The following OTX1 variants were observed in gnomAD, a reference collection of about 807,000 sequenced individuals.
OTX1 encodes the protein homeobox protein OTX1.
A neutral mutation model predicts 26.7 loss-of-function variants in OTX1; 7 were observed. The ratio of observed to expected loss-of-function variants is 0.26; its 90% CI spans 0.15 to 0.49. The LOEUF is 0.49. Ranked by LOEUF, OTX1 falls within the 20% of genes least tolerant of loss-of-function variation. The pLI, the probability that OTX1 is intolerant of heterozygous loss-of-function variation, is 0.98. For missense variants in OTX1, 414 were observed against 483.8 expected, an observed-to-expected ratio of 0.86 and a Z score of 1.35; for synonymous variants, 216 against 212.8, an observed-to-expected ratio of 1.01 and a Z score of -0.13.
Position 63,055,698 on chromosome 2 carries a change from A to C in OTX1, c.447A>C (p.Pro149=). The C allele has an allele frequency of 6.2e-7, 1 of 1,613,100 alleles. No individual in the cohort carries two copies. Among genetic ancestry groups the C allele is most frequent in the Admixed American group, 1.7e-5 (1 of 60,006 alleles). Residue 149 remains proline, a synonymous_variant, in exon 5 of 5, where the codon CCA becomes CCC. Coordinates refer to ENST00000282549, the MANE Select transcript of OTX1 (RefSeq NM_014562.4). The surrounding 1 kb of genome is among the most constrained non-coding windows in gnomAD (Gnocchi z 5.2). ...SSSASSSSAN[P]AAAAAAGLGG... ...CGGCGTCCAGCTCTTCCGCCAACCC[A>C]GCGGCTGCAGCGGCTGCGGGACTAG... is the stretch of plus-strand genomic sequence containing the variant.
rs1013352607 is a variant in OTX1 at position 63,053,308 on chromosome 2, TCCCGGCCGGATCA to T, written c.97+224_97+236del. The T allele has an allele frequency of 4.7e-5, 21 of 442,860 alleles. No homozygotes were observed. The Admixed American group carries it at 7.7e-4, about 16-fold the overall frequency. The allele number at this position is 442,860 out of a possible 1,614,324, so 27.4% of individuals were successfully genotyped here. A position where few individuals can be genotyped will look rare whatever the true frequency, so the allele number is the denominator to read the frequency against. On this transcript the variant is annotated intron_variant, in intron 3 of 4. Transcript: ENST00000282549. ...CTGAGAAAACGCGCAATATGCGCCT[TCCCGGCCGGATCA>T]CCGGCAACCTTTCTCCGGTTGTGGT...
At chr2:63,053,961 T>C (rs1398657627) in intron 3 of OTX1, 86 bp from the exon 4 acceptor site, 15 of 1,468,080 alleles carry the variant, frequency 1.0e-5, no homozygotes, top group South Asian at 1.3e-5. Context: ...GGCCGAGATC[T>C]GGGCCTGCCA....
chr2:63,053,136 A>C (rs766254014), intron 3 of OTX1, 49 bp downstream of exon 3: 1 of 1,273,512 alleles, frequency 7.9e-7, no homozygotes, highest in South Asian at 1.4e-5. Context: ...AATGTTGGGG[A>C]CCCCCAGACT....
Position 63,055,356 on chromosome 2 carries a change from G to A in OTX1, c.250-145G>A. On this transcript the variant is annotated intron_variant, in intron 4 of 4. Coordinates refer to ENST00000282549, the MANE Select transcript of OTX1 (RefSeq NM_014562.4). The surrounding 1 kb of genome is among the most constrained non-coding windows in gnomAD (Gnocchi z 5.2). Reference sequence around the variant, plus strand: ...GGAACCGAGGTAGGGGGCAGGGTCTGGCCAGGCCAGAGACAGGAAGGGGCG... The same window carrying A: ...GGAACCGAGGTAGGGGGCAGGGTCTAGCCAGGCCAGAGACAGGAAGGGGCG... 1 of 843,776 alleles carries A rather than the reference G, an allele frequency of 1.2e-6. No individual in the cohort carries two copies. Among genetic ancestry groups the A allele is most frequent in the East Asian group, 2.7e-5 (1 of 37,428 alleles). The allele number at this position is 843,776 out of a possible 1,614,324, so 52.3% of individuals were successfully genotyped here. A position where few individuals can be genotyped will look rare whatever the true frequency, so the allele number is the denominator to read the frequency against.
upstream of OTX1, among the ~76,000 whole-genome samples, chr2:63,050,419 A>G (rs2062016248): frequency 6.6e-6 from 1 of 152,012 alleles, no homozygotes; most frequent in African/African-American, 2.4e-5. Context: ...TGAGCCCTGT[A>G]GCGCGCGGGA....
chr2:63,056,073 C>A lies in OTX1; in HGVS notation c.822C>A (p.Gly274=). 2.5e-6 allele frequency: 4 copies of A among 1,613,260 alleles called. No individual in the cohort carries two copies. Among genetic ancestry groups the A allele is most frequent in the Non-Finnish European group, 3.4e-6 (4 of 1,179,424 alleles). The part of the protein sequence containing the change: ...LSPMAPSSMA[G]HHHHHPHAHH... ...CCATGGCACCCTCCTCCATGGCGGGCCACCATCATCACCACCCACATGCGC... is the reference window on the plus strand; with the variant it reads ...CCATGGCACCCTCCTCCATGGCGGGACACCATCATCACCACCCACATGCGC... Residue 274 remains glycine (G), a synonymous_variant, in exon 5 of 5, where the codon GGC becomes GGA. Coordinates refer to ENST00000282549, the MANE Select transcript of OTX1 (RefSeq NM_014562.4).
In OTX1 at chr2:63,056,466, G is replaced by A; in HGVS notation, c.*150G>A. 2.7e-6 allele frequency: 2 copies of A among 731,986 alleles called. No individual in the cohort carries two copies. The highest frequency in any genetic ancestry group is 4.4e-6 in the Non-Finnish European group (2 of 456,150). The allele number at this position is 731,986 out of a possible 1,614,324, so 45.3% of individuals were successfully genotyped here. On this transcript the variant is annotated 3_prime_UTR_variant, in exon 5 of 5. Transcript: ENST00000282549. ...AAAGATGTCCATTGCCTGCACTGCC[G>A]CCCCCATTTTTGTGCCACTTGCTTG...
chr2:63,052,723 T>C (rs1187114754), intron 2 of OTX1, among the ~76,000 whole-genome samples, 157 bp from the exon 3 acceptor site: 1 of 152,222 alleles, frequency 6.6e-6, no homozygotes, highest in Non-Finnish European at 1.5e-5. Flanking sequence ...AAAACTTTAC[T>C]TTTCAAAGTA....
At chr2:63,050,393 C>T (rs2062015980), upstream of OTX1, among the ~76,000 whole-genome samples, 1 of 152,178 alleles carries the variant, frequency 6.6e-6, no homozygotes, top group Admixed American at 6.5e-5. Context: ...GGTCCTGGCG[C>T]CCACACCCGA....
chr2:63,054,204 C>A lies in OTX1; in HGVS notation c.249+6C>A. The A allele has an allele frequency of 1.3e-6, 2 of 1,582,778 alleles. No homozygotes were observed. The highest frequency in any genetic ancestry group is 1.7e-6 in the Non-Finnish European group (2 of 1,163,032). ...TGCCGGAGTCTAGAGTCCAGGTGCGCACTCCCCGGGCTCCAGGGTCTGGGT... is the reference window on the plus strand; with the variant it reads ...TGCCGGAGTCTAGAGTCCAGGTGCGAACTCCCCGGGCTCCAGGGTCTGGGT... On this transcript the variant is annotated splice_donor_region_variant and intron_variant, in intron 4 of 4. Transcript: ENST00000282549.
chr2:63,055,354 C>A lies in OTX1; in HGVS notation c.250-147C>A. The A allele has an allele frequency of 1.2e-6, 1 of 823,634 alleles. No homozygotes were observed. The highest frequency in any genetic ancestry group is 1.9e-6 in the Non-Finnish European group (1 of 537,498). 51.0% of individuals were successfully genotyped at this position (823,634 alleles called of 1,614,324 possible). ...TGGGAACCGAGGTAGGGGGCAGGGTCTGGCCAGGCCAGAGACAGGAAGGGG... is the reference window on the plus strand; with the variant it reads ...TGGGAACCGAGGTAGGGGGCAGGGTATGGCCAGGCCAGAGACAGGAAGGGG... On this transcript the variant is annotated intron_variant, in intron 4 of 4. Coordinates refer to ENST00000282549, the MANE Select transcript of OTX1 (RefSeq NM_014562.4). This position sits in a 1 kb window ranked among gnomAD's most constrained non-coding sequence, Gnocchi z 5.2.
Position 63,056,273 on chromosome 2 carries a change from T to C in OTX1, c.1022T>C (p.Leu341Pro). 6.2e-7 allele frequency: 1 copy of C among 1,614,052 alleles called. No homozygotes were observed. The change falls in exon 5 of 5, where the codon CTG becomes CCG. Residue 341 changes from leucine to proline, a missense_variant. Around this residue, in one of 3 missense-constraint regions of OTX1, gnomAD observed 320 missense variants for 347.9 expected, o/e 0.92. Coordinates refer to ENST00000282549, the MANE Select transcript of OTX1 (RefSeq NM_014562.4). ...WKLNFNSPDC[L>P]DYKDQASWRF... is the part of the protein sequence containing the mutation. ...CTCAACTTCAACTCCCCCGACTGTC[T>C]GGACTATAAGGACCAAGCCTCATGG...
chr2:63,050,428 G>A (rs986601468), upstream of OTX1, among the ~76,000 whole-genome samples: 4 of 152,166 alleles, frequency 2.6e-5, no homozygotes, highest in Admixed American at 6.5e-5. Context: ...TAGCGCGCGG[G>A]AGAGCGAAGG....
Position 63,052,918 on chromosome 2 carries a change from T to G in OTX1, c.-73T>G. 1 of 928,152 alleles carries G rather than the reference T, an allele frequency of 1.1e-6. No homozygotes were observed. Among genetic ancestry groups the G allele is most frequent in the Non-Finnish European group, 1.7e-6 (1 of 585,206 alleles). The allele number at this position is 928,152 out of a possible 1,614,324, so 57.5% of individuals were successfully genotyped here. On this transcript the variant is annotated 5_prime_UTR_variant, in exon 3 of 5. Coordinates refer to ENST00000282549, the MANE Select transcript of OTX1 (RefSeq NM_014562.4). ...ACGCATCAGACCCTGAAGGACTGCG[T>G]GGTGGGAGCCCTGCACCGCTCCTGG...
intron 2 of OTX1, 126 bp from the exon 3 acceptor site, chr2:63,052,754 G>T (rs2062034780): frequency 2.0e-6 from 1 of 508,488 alleles, no homozygotes; most frequent in Non-Finnish European, 3.5e-6. Context: ...CTGGGCTAAG[G>T]CCTTGTGGAT....
In OTX1 at chr2:63,055,899, C is replaced by A; in HGVS notation, c.648C>A (p.Thr216=). ...GCTCCGTAGCTGCAGGCGCCGCCAC[C>A]GCAGCAGCCTCTTATCCCATGTCCT... ...MQRSVAAGAA[T]AAASYPMSYG... Residue 216 remains threonine, a synonymous_variant, in exon 5 of 5, where the codon ACC becomes ACA. Transcript: ENST00000282549. This position sits in a 1 kb window ranked among gnomAD's most constrained non-coding sequence, Gnocchi z 5.2. 6.2e-7 allele frequency: 1 copy of A among 1,612,354 alleles called. No individual in the cohort carries two copies. Among genetic ancestry groups the A allele is most frequent in the Non-Finnish European group, 8.5e-7 (1 of 1,179,946 alleles).
Position 63,054,195 on chromosome 2 carries a change from C to A in OTX1, c.246C>A (p.Val82=), listed in dbSNP as rs756536875. The A allele has an allele frequency of 4.6e-5, 73 of 1,591,720 alleles. No individual in the cohort carries two copies. The highest frequency in any genetic ancestry group is 6.1e-5 in the Non-Finnish European group (71 of 1,167,652). Residue 82 remains valine (V), a synonymous_variant, in exon 4 of 5, where the codon GTC becomes GTA. Transcript: ENST00000282549. ...ALKINLPESR[V]QVWFKNRRAK... ...AGATCAACCTGCCGGAGTCTAGAGTCCAGGTGCGCACTCCCCGGGCTCCAG... is the reference window on the plus strand; with the variant it reads ...AGATCAACCTGCCGGAGTCTAGAGTACAGGTGCGCACTCCCCGGGCTCCAG...
At position 63,054,132 on chromosome 2, in the gene OTX1, C is replaced by T; in HGVS notation, c.183C>T (p.Arg61=). 6.2e-7 allele frequency: 1 copy of T among 1,612,590 alleles called. No homozygotes were observed. The highest frequency in any genetic ancestry group is 8.5e-7 in the Non-Finnish European group (1 of 1,179,330). The change falls in exon 4 of 5, where the codon CGC becomes CGT. Residue 61 remains arginine (R), a synonymous_variant. Transcript: ENST00000282549. ...DVLEALFAKT[R]YPDIFMREEV... ...TCGAGGCGCTCTTCGCCAAGACTCG[C>T]TACCCTGACATCTTCATGCGGGAGG...
In OTX1 at chr2:63,055,873, C is replaced by G; in HGVS notation, c.622C>G (p.Arg208Gly). 1 of 1,612,180 alleles carries G rather than the reference C, an allele frequency of 6.2e-7. No homozygotes were observed. Among genetic ancestry groups the G allele is most frequent in the Non-Finnish European group, 8.5e-7 (1 of 1,179,882 alleles). ...AAPSNTSCMQ[R>G]SVAAGAATAA... ...GCCTAGCAACACCTCGTGTATGCAG[C>G]GCTCCGTAGCTGCAGGCGCCGCCAC... The change falls in exon 5 of 5, where the codon CGC (arginine) becomes GGC (glycine). Residue 208 changes from arginine to glycine, a missense_variant. By Grantham distance (125) the Arg-to-Gly change is moderately radical (BLOSUM62 -2). Coordinates refer to ENST00000282549, the MANE Select transcript of OTX1 (RefSeq NM_014562.4). This position sits in a 1 kb window ranked among gnomAD's most constrained non-coding sequence, Gnocchi z 5.2.
Sources: gnomAD v4.1 joint callset for allele counts (sites outside exome capture counted in the v4.1 genomes callset) on GRCh38, gnomAD v4.1.1 for gene constraint, gnomAD v4.1.1 regional missense constraint, Gnocchi (gnomAD v3.1) non-coding constraint, MANE v1.5 for transcripts, NCBI Gene and HGNC (gene_info 2026-07-23, HGNC 2026-07-21) for gene names.